KANK1: variants seen among roughly 807,000 people sequenced by gnomAD.
KANK1 encodes KN motif and ankyrin repeat domain-containing protein 1.
A neutral mutation model predicts 106.2 loss-of-function variants in KANK1; 109 were observed. The ratio of observed to expected loss-of-function variants is 1.03; its 90% CI spans 0.88 to 1.20. The LOEUF (loss-of-function observed/expected upper bound fraction) is 1.20, where lower values mean the gene tolerates loss of function less well. KANK1 is among the 50% of genes most tolerant of loss of function. KANK1 has a pLI of 0.00. For synonymous variants in KANK1, 873 were observed against 652.2 expected (o/e 1.34, Z -5.16); for missense variants, 2,399 against 1,710.7 (o/e 1.40, Z -7.10).
At chr9:581,792 C>T (rs1481893285) in intron 1 of KANK1, among the ~76,000 whole-genome samples, 2 of 152,092 alleles carry the variant, frequency 1.3e-5, no homozygotes, top group African/African-American at 4.8e-5. Context: ...ACACCAGTCC[C>T]TACTGCTTCT....
At chr9:632,019 G>C (rs1248354473) in intron 1 of KANK1, among the ~76,000 whole-genome samples, 1 of 152,174 alleles carries the variant, frequency 6.6e-6, no homozygotes. Flanking sequence ...TATTGCATGA[G>C]TACAAAGACT....
chr9:745,008 G>A (rs1289583698), intron 11 of KANK1, 165 bp from the exon 12 acceptor site: 1 of 1,502,290 alleles, frequency 6.7e-7, no homozygotes, highest in African/African-American at 1.4e-5. Context: ...AGCCCAGCTG[G>A]CCTTGGAGCT....
intron 9 of KANK1, among the ~76,000 whole-genome samples, chr9:741,514 G>C (rs1466580778): frequency 6.0e-5 from 8 of 134,410 alleles, no homozygotes; most frequent in Non-Finnish European, 3.1e-5. Flanking sequence ...TTGAGACTAA[G>C]TCTCATTCTG....
At chr9:590,606 C>A (rs1427560403) in intron 1 of KANK1, among the ~76,000 whole-genome samples, 2 of 148,490 alleles carry the variant, frequency 1.3e-5, no homozygotes, top group Admixed American at 6.6e-5. Flanking sequence ...AACTTTACCA[C>A]CATTAAATAA....
At chr9:741,914 A>AG (rs1325415043) in intron 9 of KANK1, among the ~76,000 whole-genome samples, 1 of 152,026 alleles carries the variant, frequency 6.6e-6, no homozygotes, top group Admixed American at 6.6e-5. Context: ...CCACCACTCC[A>AG]GGCCCACAGC....
intron 1 of KANK1, among the ~76,000 whole-genome samples, chr9:542,561 A>G (rs1389059751): frequency 6.6e-6 from 1 of 152,344 alleles, no homozygotes; most frequent in East Asian, 1.9e-4. Flanking sequence ...ACTTCTGGGT[A>G]TACATCCAAA....
At chr9:585,759 A>G (rs1057506894) in intron 1 of KANK1, among the ~76,000 whole-genome samples, 2 of 152,108 alleles carry the variant, frequency 1.3e-5, no homozygotes, top group African/African-American at 4.8e-5. Flanking sequence ...AGGGGGTAAG[A>G]AAAGTCTATG....
At chr9:506,044 TC>T (rs1563684390) in intron 1 of KANK1, among the ~76,000 whole-genome samples, 4 of 152,208 alleles carry the variant, frequency 2.6e-5, no homozygotes, top group African/African-American at 9.7e-5. Flanking sequence ...ATAAATTTAC[TC>T]TTCTAAGGTC....
At chr9:579,582 A>G (rs1821494121) in intron 1 of KANK1, among the ~76,000 whole-genome samples, 1 of 152,028 alleles carries the variant, frequency 6.6e-6, no homozygotes, top group Admixed American at 6.5e-5. Context: ...TTAAAACCCT[A>G]GGGGAGAAGC....
At chr9:743,064 A>G (rs912383772) in intron 10 of KANK1, among the ~76,000 whole-genome samples, 3 of 152,170 alleles carry the variant, frequency 2.0e-5, no homozygotes, top group Non-Finnish European at 2.9e-5. Context: ...CTCTAGGCCA[A>G]AGGACAGGAG....
intron 1 of KANK1, among the ~76,000 whole-genome samples, chr9:643,060 C>T (rs1468644869): frequency 1.3e-5 from 2 of 150,576 alleles, no homozygotes; most frequent in Admixed American, 6.6e-5. Flanking sequence ...AAAAATAGCA[C>T]AGGATAGGTC....
intron 6 of KANK1, 81 bp from the exon 7 acceptor site, chr9:734,665 CAA>C: frequency 4.4e-6 from 4 of 916,568 alleles, no homozygotes; most frequent in East Asian, 2.9e-5. Context: ...GACCCTGTCT[CAA>C]AAAAAAAATT....
intron 1 of KANK1, among the ~76,000 whole-genome samples, chr9:603,560 C>G (rs183759282): frequency 2.0e-5 from 3 of 151,886 alleles, no homozygotes; most frequent in Non-Finnish European, 2.9e-5. Context: ...TTCCTTAACT[C>G]TAAAATCATC....
Position 679,666 on chromosome 9 carries a change from C to T in KANK1, c.37+2657C>T, listed in dbSNP as rs117855914. 6.7e-3 allele frequency among the ~76,000 whole-genome samples: 1,013 copies of T among 152,162 alleles called. 3 individuals are homozygous for T. Among genetic ancestry groups the T allele is most frequent in the Non-Finnish European group, 0.011 (779 of 68,022 alleles). Reference sequence around the variant, plus strand: ...ATGACTTCAGGTGATCTGCCTACCTCGGCACTTTGGGATTACAGGCATGAG... The same window carrying T: ...ATGACTTCAGGTGATCTGCCTACCTTGGCACTTTGGGATTACAGGCATGAG... On this transcript the variant is annotated intron_variant, in intron 2 of 11. Transcript: ENST00000382297.
intron 1 of KANK1, among the ~76,000 whole-genome samples, chr9:506,537 TG>T (rs2058764069): frequency 6.6e-6 from 1 of 151,762 alleles, no homozygotes; most frequent in African/African-American, 2.4e-5. Flanking sequence ...GGTGTGTGTG[TG>T]TGTGTGTGTG....
At chr9:623,669 A>T (rs1032174218) in intron 1 of KANK1, among the ~76,000 whole-genome samples, 2 of 152,074 alleles carry the variant, frequency 1.3e-5, no homozygotes, top group Non-Finnish European at 2.9e-5. Flanking sequence ...TCATTAGAGA[A>T]ATGCAAATCA....
At chr9:509,729 G>T (rs2058943968) in intron 1 of KANK1, among the ~76,000 whole-genome samples, 1 of 152,102 alleles carries the variant, frequency 6.6e-6, no homozygotes, top group Non-Finnish European at 1.5e-5. Flanking sequence ...TGTTTATGTG[G>T]CTTGGGATCT....
intron 1 of KANK1, among the ~76,000 whole-genome samples, chr9:659,009 GT>G (rs150629634): frequency 0.025 from 3,738 of 152,156 alleles, 159 homozygotes; most frequent in African/African-American, 0.086. Flanking sequence ...CTCAACACCT[GT>G]TTTTTTCTCC....
chr9:623,965 A>G (rs1395835029), intron 1 of KANK1, among the ~76,000 whole-genome samples: 1 of 137,520 alleles, frequency 7.3e-6, no homozygotes, highest in Non-Finnish European at 1.6e-5. Context: ...TAGCAAAGAT[A>G]TGGAAACAAC....
Sources: allele counts gnomAD v4.1 joint callset (sites outside exome capture counted in the v4.1 genomes callset), GRCh38; gene constraint gnomAD v4.1.1; transcripts MANE v1.5; gene names NCBI Gene and HGNC (gene_info 2026-07-23, HGNC 2026-07-21).